The following MAN2A1 variants were observed in gnomAD, a reference collection of about 807,000 sequenced individuals.
MAN2A1 encodes the protein mannosidase alpha class 2A member 1.
A neutral mutation model predicts 142.6 loss-of-function variants in MAN2A1; 76 were observed. The observed-to-expected ratio is 0.53, with a 90% confidence interval of 0.44 to 0.65. MAN2A1 has a LOEUF of 0.65. Ranked by LOEUF, MAN2A1 falls within the 30% of genes least tolerant of loss-of-function variation. The pLI, the probability that MAN2A1 is intolerant of heterozygous loss-of-function variation, is 0.00. For missense variants in MAN2A1, 1,311 were observed against 1,365.1 expected, an observed-to-expected ratio of 0.96 and a Z score of 0.62; for synonymous variants, 559 against 473.2, an observed-to-expected ratio of 1.18 and a Z score of -2.35.
At chr5:109,829,603 A>G (rs1754852412) in intron 16 of MAN2A1, among the ~76,000 whole-genome samples, 1 of 152,158 alleles carries the variant, frequency 6.6e-6, no homozygotes, top group Admixed American at 6.5e-5. Flanking sequence ...CTTTGTCTTC[A>G]GAATCATACT....
chr5:109,727,065 G>C (rs1330970090), intron 3 of MAN2A1, among the ~76,000 whole-genome samples: 2 of 152,130 alleles, frequency 1.3e-5, no homozygotes, highest in Admixed American at 1.3e-4. Flanking sequence ...AGTATATTCA[G>C]TTAAATATTA....
chr5:109,770,725 C>T (rs547447406), intron 7 of MAN2A1, among the ~76,000 whole-genome samples, 184 bp downstream of exon 7: 2 of 152,228 alleles, frequency 1.3e-5, no homozygotes, highest in Admixed American at 1.3e-4. Context: ...TTATGTGTTA[C>T]ATTTTAATGG....
chr5:109,722,430 T>C (rs1002497122), intron 3 of MAN2A1, among the ~76,000 whole-genome samples: 2 of 152,184 alleles, frequency 1.3e-5, no homozygotes, highest in African/African-American at 4.8e-5. Flanking sequence ...TGTTTTGTTT[T>C]TTGAGATGGA....
intron 8 of MAN2A1, 111 bp downstream of exon 8, chr5:109,775,076 A>T (rs1753247517): frequency 1.5e-6 from 1 of 681,706 alleles, no homozygotes; most frequent in Admixed American, 3.2e-5. Context: ...TGCTTCTTAG[A>T]ATATATAATT....
intron 5 of MAN2A1, among the ~76,000 whole-genome samples, chr5:109,765,202 A>G (rs1201362621): frequency 1.3e-5 from 2 of 152,136 alleles, no homozygotes; most frequent in African/African-American, 2.4e-5. Context: ...ATGGTCGTAC[A>G]TTGCATTTAG....
At chr5:109,847,514 G>A (rs760843146) in intron 18 of MAN2A1, 143 bp from the exon 19 acceptor site, 29 of 562,484 alleles carry the variant, frequency 5.2e-5, no homozygotes, top group Non-Finnish European at 7.9e-5. Flanking sequence ...AGCCCATGGT[G>A]TAGTGGGTTG....
At chr5:109,791,762 T>C (rs1340965643) in intron 12 of MAN2A1, among the ~76,000 whole-genome samples, 1 of 152,060 alleles carries the variant, frequency 6.6e-6, no homozygotes, top group Non-Finnish European at 1.5e-5. Context: ...TAAAATTGTA[T>C]GTGGGTGATT....
intron 15 of MAN2A1, among the ~76,000 whole-genome samples, chr5:109,822,763 C>T (rs1175682707): frequency 1.3e-5 from 2 of 152,020 alleles, no homozygotes; most frequent in African/African-American, 2.4e-5. Flanking sequence ...CTGCAAGCTC[C>T]GCCTCCTGGG....
At chr5:109,846,909 A>C (rs1323166664) in intron 18 of MAN2A1, among the ~76,000 whole-genome samples, 1 of 152,068 alleles carries the variant, frequency 6.6e-6, no homozygotes, top group East Asian at 1.9e-4. Context: ...TCCAGTAGGG[A>C]GGGTTAGAGA....
At chr5:109,779,734 A>G (rs185846405) in intron 8 of MAN2A1, among the ~76,000 whole-genome samples, 1 of 152,280 alleles carries the variant, frequency 6.6e-6, no homozygotes, top group East Asian at 1.9e-4. Context: ...GGTAGGTCCT[A>G]TGATTGTTCC....
chr5:109,715,460 TC>T (rs1376909109), intron 2 of MAN2A1, among the ~76,000 whole-genome samples: 3 of 151,950 alleles, frequency 2.0e-5, no homozygotes, highest in Non-Finnish European at 4.4e-5. Flanking sequence ...TTCCTTTGCA[TC>T]CCAACATTAT....
chr5:109,722,635 AG>A (rs1301372844), intron 3 of MAN2A1, among the ~76,000 whole-genome samples: 33 of 152,034 alleles, frequency 2.2e-4, no homozygotes, highest in African/African-American at 8.0e-4. Flanking sequence ...AGGCTGGTCT[AG>A]AACTCCTGAC....
chr5:109,829,641 C>A (rs1233795374), intron 16 of MAN2A1, among the ~76,000 whole-genome samples: 1 of 152,148 alleles, frequency 6.6e-6, no homozygotes, highest in African/African-American at 2.4e-5. Flanking sequence ...TCTCCTGTTA[C>A]AATTCTTCAA....
At chr5:109,826,181 T>C (rs1341946183) in intron 16 of MAN2A1, among the ~76,000 whole-genome samples, 1 of 151,958 alleles carries the variant, frequency 6.6e-6, no homozygotes. Flanking sequence ...GCTGGTATTA[T>C]AGGCATGAGC....
intron 3 of MAN2A1, among the ~76,000 whole-genome samples, chr5:109,722,563 C>A (rs987430943): frequency 1.3e-5 from 2 of 152,066 alleles, no homozygotes; most frequent in Non-Finnish European, 2.9e-5. Context: ...TACAGGCACA[C>A]GCCACAGTGC....
chr5:109,859,145 A>G lies in MAN2A1; in HGVS notation c.3171+3811A>G, dbSNP rs151222922. On this transcript the variant is annotated intron_variant, in intron 20 of 21. Transcript: ENST00000261483. ...GAAAGTGAGAGTTAGAGCTAAGTTA[A>G]ATGATAAAAATAAAATCACCCAGTG... Among the ~76,000 whole-genome samples the G allele has an allele frequency of 1.7e-4, 26 of 152,354 alleles. No individual in the cohort carries two copies. The East Asian group carries it at 5.0e-3, about 29-fold the overall frequency.
chr5:109,741,455 G>T (rs1484387973), intron 4 of MAN2A1, among the ~76,000 whole-genome samples: 1 of 152,142 alleles, frequency 6.6e-6, no homozygotes, highest in Non-Finnish European at 1.5e-5. Flanking sequence ...GTACTAAGTG[G>T]CATTACTAAT....
chr5:109,854,371 C>T (rs758339318), intron 19 of MAN2A1: 20 of 152,086 alleles, frequency 1.3e-4, no homozygotes, highest in Non-Finnish European at 5.9e-5. Flanking sequence ...AGAAGTGTTG[C>T]TTTTAACCAT....
At chr5:109,766,423 A>T (rs1353589116) in intron 5 of MAN2A1, among the ~76,000 whole-genome samples, 1 of 152,170 alleles carries the variant, frequency 6.6e-6, no homozygotes, top group Non-Finnish European at 1.5e-5. Flanking sequence ...TAGTTTTGAC[A>T]TATGCTCTTT....
Sources: gnomAD v4.1 joint callset for allele counts (sites outside exome capture counted in the v4.1 genomes callset) on GRCh38, gnomAD v4.1.1 for gene constraint, MANE v1.5 for transcripts, NCBI Gene and HGNC (gene_info 2026-07-23, HGNC 2026-07-21) for gene names.